Variants in CPEB3 observed in about 807,000 individuals in gnomAD.
CPEB3 encodes cytoplasmic polyadenylation element binding protein 3, also known as cytoplasmic polyadenylation element-binding protein 3.
Under a neutral mutation model 67.2 loss-of-function variants are expected in CPEB3, and 20 were observed. The ratio of observed to expected loss-of-function variants is 0.30; its 90% CI spans 0.21 to 0.43. The LOEUF is 0.43. CPEB3 is among the 20% of genes least tolerant of loss of function. CPEB3 has a pLI of 1.00. For missense variants in CPEB3, 746 were observed against 968.6 expected, an observed-to-expected ratio of 0.77 and a Z score of 3.05; for synonymous variants, 376 against 393.1, an observed-to-expected ratio of 0.96 and a Z score of 0.51.
At chr10:92,262,458 C>T (rs1048378846) in intron 1 of CPEB3, among the ~76,000 whole-genome samples, 2 of 152,176 alleles carry the variant, frequency 1.3e-5, no homozygotes, top group African/African-American at 4.8e-5. Flanking sequence ...CCCCATTTCA[C>T]AGATGAGGAC....
chr10:92,274,440 T>G (rs1305645660), intron 1 of CPEB3, among the ~76,000 whole-genome samples: 1 of 152,256 alleles, frequency 6.6e-6, no homozygotes, highest in Non-Finnish European at 1.5e-5. Context: ...TAGCATCATA[T>G]GAATACAAGC....
intron 9 of CPEB3, among the ~76,000 whole-genome samples, chr10:92,062,340 A>G (rs1407658349): frequency 6.6e-6 from 1 of 152,098 alleles, no homozygotes; most frequent in East Asian, 1.9e-4. Context: ...ATAAATTGTT[A>G]AAGAATAAAA....
At chr10:92,262,235 A>G (rs913612973) in intron 1 of CPEB3, among the ~76,000 whole-genome samples, 3 of 152,234 alleles carry the variant, frequency 2.0e-5, no homozygotes, top group Non-Finnish European at 4.4e-5. Flanking sequence ...CAGGGTATCA[A>G]CATTATATTA....
At position 92,240,332 on chromosome 10, in the gene CPEB3, T is replaced by C. The variant is rs1851785824; in HGVS notation, c.19A>G (p.Met7Val). 3 of 1,482,258 alleles carry C rather than the reference T, an allele frequency of 2.0e-6. No individual in the cohort carries two copies. The highest frequency in any genetic ancestry group is 5.0e-5 in the East Asian group (2 of 40,160). 91.8% of individuals were successfully genotyped at this position (1,482,258 alleles called of 1,614,324 possible). ...TGGGGCTGGGTTTTGCTTTTGTCCATCAGTAAATCATCCTGCATGGTTTGC... is the reference window on the plus strand; with the variant it reads ...TGGGGCTGGGTTTTGCTTTTGTCCACCAGTAAATCATCCTGCATGGTTTGC... MQDDLL[M>V]DKSKTQPQPQ... The change falls in exon 2 of 10, where the codon ATG (methionine) becomes GTG (valine). Residue 7 changes from methionine (M) to valine (V), a missense_variant. Transcript: ENST00000265997.
Position 92,065,307 on chromosome 10 carries a change from A to T in CPEB3, c.1870-12868T>A, listed in dbSNP as rs543514625. Among the ~76,000 whole-genome samples, 24 of 152,298 alleles carry T rather than the reference A, an allele frequency of 1.6e-4. No individual in the cohort carries two copies. In the East Asian group the frequency reaches 4.6e-3, roughly 29 times the overall value. On this transcript the variant is annotated intron_variant, in intron 9 of 9. Coordinates refer to ENST00000265997, the MANE Select transcript of CPEB3 (RefSeq NM_014912.5). ...ATGATCTTGGCTCACTGCAACCTCC[A>T]TCTCCTGGATTCAAGTGATTCTCGT...
chr10:92,252,934 T>TC, intron 1 of CPEB3, among the ~76,000 whole-genome samples: 1 of 151,482 alleles, frequency 6.6e-6, no homozygotes, highest in Middle Eastern at 3.4e-3. Flanking sequence ...AAAGTTCCTT[T>TC]TTTTTTTGAG....
intron 2 of CPEB3, among the ~76,000 whole-genome samples, chr10:92,236,767 T>A (rs564439259): frequency 6.8e-6 from 1 of 146,780 alleles, no homozygotes; most frequent in Non-Finnish European, 1.5e-5. Flanking sequence ...CACACACACA[T>A]AAAATACAGT....
intron 2 of CPEB3, among the ~76,000 whole-genome samples, chr10:92,219,910 C>A (rs903406846): frequency 6.6e-6 from 1 of 152,228 alleles, no homozygotes; most frequent in Non-Finnish European, 1.5e-5. Context: ...GTAATCCCAA[C>A]ACTTTGGGAG....
At chr10:92,118,630 G>T (rs1033287840) in intron 6 of CPEB3, 2 of 539,800 alleles carry the variant, frequency 3.7e-6, no homozygotes, top group African/African-American at 1.9e-5. Flanking sequence ...TTAAAGAGAT[G>T]TAACAACTGA....
intron 4 of CPEB3, among the ~76,000 whole-genome samples, chr10:92,171,059 T>C (rs1352075349): frequency 6.6e-6 from 1 of 152,214 alleles, no homozygotes; most frequent in Non-Finnish European, 1.5e-5. Context: ...GAGCCTAAGC[T>C]GAACCAAAGG....
At chr10:92,249,463 A>G (rs1852202608) in intron 1 of CPEB3, among the ~76,000 whole-genome samples, 1 of 151,964 alleles carries the variant, frequency 6.6e-6, no homozygotes, top group African/African-American at 2.4e-5. Context: ...TTGTTGGTTC[A>G]TGTATTTACT....
At position 92,240,167 on chromosome 10, in the gene CPEB3, G is replaced by T; in HGVS notation, c.184C>A (p.Pro62Thr). The change falls in exon 2 of 10, where the codon CCC becomes ACC. Residue 62 changes from proline (P) to threonine (T), a missense_variant. By Grantham distance (38) the Pro-to-Thr change is conservative (BLOSUM62 -1). Around this residue, in one of 2 missense-constraint regions of CPEB3, gnomAD observed 643 missense variants for 717.5 expected, o/e 0.90. Coordinates refer to ENST00000265997, the MANE Select transcript of CPEB3 (RefSeq NM_014912.5). ...AVPALSPAAA[P>T]PAPNGPDKMQ... Reference sequence around the variant, plus strand: ...TTGTCCGGGCCGTTGGGGGCCGGGGGGGCAGCGGCTGGGCTGAGGGCCGGC... The same window carrying T: ...TTGTCCGGGCCGTTGGGGGCCGGGGTGGCAGCGGCTGGGCTGAGGGCCGGC... 3 of 1,546,806 alleles carry T rather than the reference G, an allele frequency of 1.9e-6. No individual in the cohort carries two copies. The highest frequency in any genetic ancestry group is 2.6e-6 in the Non-Finnish European group (3 of 1,144,532).
chr10:92,291,103 T>A (rs1842847671), upstream of CPEB3: 1 of 304,382 alleles, frequency 3.3e-6, no homozygotes, highest in Non-Finnish European at 6.2e-6. Flanking sequence ...GAAGACTACA[T>A]CTCCCAGGCT....
At chr10:92,067,723 CAGG>C (rs1190841931) in intron 9 of CPEB3, among the ~76,000 whole-genome samples, 1 of 152,114 alleles carries the variant, frequency 6.6e-6, no homozygotes, top group Non-Finnish European at 1.5e-5. Context: ...GAGGCTGAGG[CAGG>C]AGAACTGCTT....
At chr10:92,163,846 A>G (rs572338748) in intron 4 of CPEB3, among the ~76,000 whole-genome samples, 1 of 152,306 alleles carries the variant, frequency 6.6e-6, no homozygotes, top group South Asian at 2.1e-4. Flanking sequence ...TTGAAGGGGA[A>G]GGATATATAT....
At chr10:92,167,451 A>C (rs1847797543) in intron 4 of CPEB3, among the ~76,000 whole-genome samples, 1 of 152,170 alleles carries the variant, frequency 6.6e-6, no homozygotes, top group African/African-American at 2.4e-5. Flanking sequence ...TAGGATTATT[A>C]ATTGACCTAA....
intron 6 of CPEB3, chr10:92,137,466 C>T: frequency 8.2e-7 from 1 of 1,226,172 alleles, no homozygotes; most frequent in Non-Finnish European, 1.1e-6. Flanking sequence ...AGCTCAACAG[C>T]AACACCCAGG....
At chr10:92,217,970 C>A (rs775449159) in intron 2 of CPEB3, among the ~76,000 whole-genome samples, 17 of 151,892 alleles carry the variant, frequency 1.1e-4, no homozygotes, top group Admixed American at 2.0e-4. Flanking sequence ...ATTATCTGGG[C>A]ATGATGGTCC....
intron 1 of CPEB3, among the ~76,000 whole-genome samples, chr10:92,253,481 A>AAAAAAAAAAAG (rs1564910688): frequency 6.9e-6 from 1 of 144,826 alleles, no homozygotes. Context: ...AAAAAAAAAA[A>AAAAAAAAAAAG]AAAGAAAAGA....
Sources: allele counts gnomAD v4.1 joint callset (sites outside exome capture counted in the v4.1 genomes callset), GRCh38; gene constraint gnomAD v4.1.1; regional missense constraint gnomAD v4.1.1; transcripts MANE v1.5; gene names NCBI Gene and HGNC (gene_info 2026-07-23, HGNC 2026-07-21).